The following WDR41 variants were observed in gnomAD, a reference collection of about 807,000 sequenced individuals.
WDR41 encodes the protein WD repeat domain 41.
In WDR41, 63 loss-of-function variants were observed where a neutral mutation model predicts 69.3. That is an observed-to-expected ratio of 0.91 (90% CI 0.74 to 1.12). The LOEUF is 1.12. WDR41 is among the 50% of genes most tolerant of loss of function. The pLI, the probability that WDR41 is intolerant of heterozygous loss-of-function variation, is 0.00. For synonymous variants in WDR41, 185 were observed against 192.1 expected (o/e 0.96, Z 0.31); for missense variants, 543 against 534.5 (o/e 1.02, Z -0.16).
At position 77,541,300 on chromosome 5, in the gene WDR41, A is replaced by C. The variant is rs186037672; in HGVS notation, c.43-51728T>G. ...CAATATAAAGTGAGCAAAGGACATG[A>C]ACAGACACTTCTCAAAAGAAGACAT... is the stretch of plus-strand genomic sequence containing the variant. On this transcript the variant is annotated intron_variant, in intron 1 of 5. Coordinates refer to the WDR41 transcript ENST00000509971. Among the ~76,000 whole-genome samples, 210 of 152,288 alleles carry C rather than the reference A, an allele frequency of 1.4e-3. 1 individual carries two copies. Among genetic ancestry groups the C allele is most frequent in the Middle Eastern group, 6.8e-3 (2 of 294 alleles).
intron 2 of WDR41, among the ~76,000 whole-genome samples, chr5:77,481,432 T>C (rs563670043): frequency 4.1e-4 from 62 of 152,298 alleles, no homozygotes; most frequent in Non-Finnish European, 6.9e-4. Context: ...CAGGGATTCA[T>C]TGAAATAGTC....
intron 1 of WDR41, 39 bp downstream of exon 1, chr5:77,492,131 A>G: frequency 6.2e-7 from 1 of 1,600,836 alleles, no homozygotes; most frequent in Non-Finnish European, 8.5e-7. Context: ...CCCCTCCAGC[A>G]AGCTCGACGG....
chr5:77,504,904 C>A (rs1483404188), intron 1 of WDR41, among the ~76,000 whole-genome samples: 3 of 152,128 alleles, frequency 2.0e-5, no homozygotes, highest in Non-Finnish European at 2.9e-5. Flanking sequence ...TATGACAAAT[C>A]CACAGCCAAT....
intron 1 of WDR41, among the ~76,000 whole-genome samples, chr5:77,545,094 A>C (rs1436726334): frequency 6.6e-6 from 1 of 152,100 alleles, no homozygotes; most frequent in Non-Finnish European, 1.5e-5. Flanking sequence ...TGAAATCAAA[A>C]TGGAAATTAA....
intron 1 of WDR41, among the ~76,000 whole-genome samples, chr5:77,594,306 C>T (rs182978395): frequency 1.3e-5 from 2 of 150,814 alleles, no homozygotes; most frequent in African/African-American, 4.9e-5. Context: ...AGGAGATATA[C>T]CTAATGTAAA....
rs1798718860 is a variant in WDR41, at chr5:77,431,440, T to C, written c.*1695A>G. On this transcript the variant is annotated 3_prime_UTR_variant, in exon 13 of 13. Transcript: ENST00000296679. ...AAGACTGTAGTATAAACACAAGTTT[T>C]ATAGGCACTGGGAAACCAAAAACTA... 1 of 152,234 alleles carries C rather than the reference T, an allele frequency of 6.6e-6. No individual in the cohort carries two copies. The highest frequency in any genetic ancestry group is 1.5e-5 in the Non-Finnish European group (1 of 68,042). The allele number at this position is 152,234 out of a possible 1,614,324, so 9.4% of individuals were successfully genotyped here. A position where few individuals can be genotyped will look rare whatever the true frequency, so the allele number is the denominator to read the frequency against.
At chr5:77,533,097 A>G (rs1279402489) in intron 1 of WDR41, among the ~76,000 whole-genome samples, 1 of 152,202 alleles carries the variant, frequency 6.6e-6, no homozygotes, top group African/African-American at 2.4e-5. Flanking sequence ...GCTGGTGGGA[A>G]TATAAACCAG....
At chr5:77,552,681 G>A (rs1034504266) in intron 1 of WDR41, among the ~76,000 whole-genome samples, 1 of 152,120 alleles carries the variant, frequency 6.6e-6, no homozygotes, top group Non-Finnish European at 1.5e-5. Flanking sequence ...AGTGTGGTGT[G>A]GGCAGAGGGG....
At chr5:77,433,410 CTTCAT>C (rs1280333293) in intron 12 of WDR41, 123 bp from the exon 13 acceptor site, 51 of 710,034 alleles carry the variant, frequency 7.2e-5, no homozygotes, top group Middle Eastern at 8.3e-4. Context: ...GGGTGTAGAA[CTTCAT>C]TTCATTTTTC....
At chr5:77,455,873 G>A (rs947058336) in intron 5 of WDR41, among the ~76,000 whole-genome samples, 2 of 151,998 alleles carry the variant, frequency 1.3e-5, no homozygotes, top group African/African-American at 4.8e-5. Flanking sequence ...TTTGAAATTG[G>A]GAAGTGTGTC....
intron 1 of WDR41, among the ~76,000 whole-genome samples, chr5:77,609,328 A>T (rs1744492847): frequency 6.6e-6 from 1 of 152,144 alleles, no homozygotes; most frequent in South Asian, 2.1e-4. Flanking sequence ...GCAGCTGGAG[A>T]TCTGAGAACG....
intron 1 of WDR41, among the ~76,000 whole-genome samples, chr5:77,607,625 A>G (rs1465939578): frequency 6.6e-6 from 1 of 152,256 alleles, no homozygotes; most frequent in Admixed American, 6.5e-5. Context: ...TCATTCCAAG[A>G]TAAGTGTGGT....
intron 7 of WDR41, 131 bp downstream of exon 7, chr5:77,451,160 C>A: frequency 1.3e-6 from 1 of 785,028 alleles, no homozygotes; most frequent in East Asian, 2.6e-5. Flanking sequence ...CTCTGTATCA[C>A]TTCAACAATC....
intron 2 of WDR41, among the ~76,000 whole-genome samples, chr5:77,468,339 G>A (rs1800397896): frequency 6.6e-6 from 1 of 152,064 alleles, no homozygotes; most frequent in African/African-American, 2.4e-5. Flanking sequence ...ACCATGTGAT[G>A]CTATAGGGTC....
intron 1 of WDR41, among the ~76,000 whole-genome samples, chr5:77,515,286 A>G (rs1802276746): frequency 6.6e-6 from 1 of 152,140 alleles, no homozygotes; most frequent in Non-Finnish European, 1.5e-5. Context: ...TTTTGTTAAA[A>G]ACTAAGACAT....
At chr5:77,501,643 A>G (rs532214979) in intron 1 of WDR41, among the ~76,000 whole-genome samples, 1 of 152,124 alleles carries the variant, frequency 6.6e-6, no homozygotes, top group Admixed American at 6.5e-5. Context: ...CAGACACCTC[A>G]TATAGGTGGA....
chr5:77,438,247 G>A lies in WDR41; in HGVS notation c.997C>T (p.Pro333Ser), dbSNP rs528954629. 5 of 1,613,988 alleles carry A rather than the reference G, an allele frequency of 3.1e-6. No homozygotes were observed. In the Admixed American group the frequency reaches 6.7e-5, roughly 22 times the overall value. ...DSNVLHVARLPNRQLISCSED... is the reference protein window; with the variant it reads ...DSNVLHVARLSNRQLISCSED... ...ACAGATGGGAACTTGTACCTGTTTG[G>A]AAGTCTGGCAACGTGCAGGACATTG... Residue 333 changes from proline (P) to serine (S), a missense_variant, in exon 10 of 13, where the codon CCA becomes TCA. Physicochemically the swap from Pro to Ser is moderately conservative, Grantham distance 74 (BLOSUM62 -1). Coordinates refer to ENST00000296679, the MANE Select transcript of WDR41 (RefSeq NM_018268.4).
At chr5:77,464,274 C>CTTT (rs71606297) in intron 3 of WDR41, among the ~76,000 whole-genome samples, 20,688 of 93,596 alleles carry the variant, frequency 0.22, 3,380 homozygotes, top group Non-Finnish European at 0.27. Flanking sequence ...TAGGAAAAAA[C>CTTT]TTTTTTTTTT....
intron 1 of WDR41, among the ~76,000 whole-genome samples, chr5:77,601,284 C>T (rs1356996946): frequency 6.6e-6 from 1 of 151,904 alleles, no homozygotes; most frequent in Admixed American, 6.6e-5. Flanking sequence ...TTTATTTTGT[C>T]GAGATATACC....
Sources: gnomAD v4.1 joint callset for allele counts (sites outside exome capture counted in the v4.1 genomes callset) on GRCh38, gnomAD v4.1.1 for gene constraint, MANE v1.5 for transcripts, NCBI Gene and HGNC (gene_info 2026-07-23, HGNC 2026-07-21) for gene names.